The following MSH3 variants were observed in gnomAD, a reference collection of about 807,000 sequenced individuals.
The protein encoded by MSH3 is mutS homolog 3, also known as DNA mismatch repair protein Msh3.
MSH3 carries 106 observed loss-of-function variants against 123.3 expected under a neutral mutation model. The observed-to-expected ratio is 0.86, with a 90% CI of 0.73 to 1.01. The LOEUF (loss-of-function observed/expected upper bound fraction) is 1.01, where lower values mean the gene tolerates loss of function less well. Ranked by LOEUF, MSH3 falls within the 50% of genes least tolerant of loss-of-function variation. The pLI, the probability that MSH3 is intolerant of heterozygous loss-of-function variation, is 0.00. For missense variants in MSH3, 1,459 were observed against 1,347.6 expected (o/e 1.08, Z -1.29); for synonymous variants, 515 against 481.4 (o/e 1.07, Z -0.91).
intron 17 of MSH3, 73 bp from the exon 18 acceptor site, chr5:80,787,492 G>T: frequency 1.1e-6 from 1 of 933,890 alleles, no homozygotes; most frequent in South Asian, 1.3e-5. Flanking sequence ...TAAAGTGATT[G>T]CTTGTTGTAG....
At chr5:80,812,495 C>T (rs1745025464) in intron 19 of MSH3, among the ~76,000 whole-genome samples, 1 of 152,004 alleles carries the variant, frequency 6.6e-6, no homozygotes, top group African/African-American at 2.4e-5. Context: ...AATTGAACCT[C>T]ACTGGTTCTC....
chr5:80,738,387 G>A (rs1375752341), intron 10 of MSH3, among the ~76,000 whole-genome samples: 1 of 152,192 alleles, frequency 6.6e-6, no homozygotes, highest in Non-Finnish European at 1.5e-5. Flanking sequence ...ACAGTACCTT[G>A]TTTCAGTGGT....
At chr5:80,806,644 C>G (rs1333201071) in intron 19 of MSH3, among the ~76,000 whole-genome samples, 3 of 152,144 alleles carry the variant, frequency 2.0e-5, no homozygotes, top group Admixed American at 2.0e-4. Flanking sequence ...TAACTTTTTA[C>G]ATCTGTAGGG....
At chr5:80,869,825 CAT>C (rs372976811) in intron 22 of MSH3, among the ~76,000 whole-genome samples, 1 of 86,960 alleles carries the variant, frequency 1.1e-5, no homozygotes, top group Admixed American at 1.2e-4. Context: ...TATATATATA[CAT>C]ATATACATAT....
intron 16 of MSH3, among the ~76,000 whole-genome samples, chr5:80,776,596 C>T (rs752947273): frequency 2.0e-4 from 31 of 151,916 alleles, no homozygotes; most frequent in Non-Finnish European, 4.1e-4. Context: ...CACATTGGGA[C>T]TCTGCCTTTT....
At chr5:80,874,252 A>G (rs997889094) in intron 23 of MSH3, among the ~76,000 whole-genome samples, 1 of 152,186 alleles carries the variant, frequency 6.6e-6, no homozygotes, top group East Asian at 1.9e-4. Context: ...ACCAAAGTAC[A>G]GTAGTGCAGT....
intron 19 of MSH3, among the ~76,000 whole-genome samples, chr5:80,813,277 A>T (rs1282260260): frequency 6.6e-6 from 1 of 152,228 alleles, no homozygotes; most frequent in African/African-American, 2.4e-5. Context: ...ATAGTCTTTA[A>T]ACATAAGCAA....
chr5:80,837,224 C>G (rs1212068548), intron 20 of MSH3, among the ~76,000 whole-genome samples: 1 of 152,124 alleles, frequency 6.6e-6, no homozygotes, highest in Admixed American at 6.5e-5. Context: ...AGAGGAAAAA[C>G]TAGGCTATTG....
At chr5:80,655,186 G>A in intron 1 of MSH3, 1 of 408,546 alleles carries the variant, frequency 2.4e-6, no homozygotes, top group South Asian at 6.5e-5. Context: ...AGGTTATGCA[G>A]GTTTTTAATG....
intron 10 of MSH3, among the ~76,000 whole-genome samples, chr5:80,734,958 G>C (rs911062596): frequency 5.3e-5 from 8 of 152,102 alleles, no homozygotes; most frequent in African/African-American, 1.7e-4. Flanking sequence ...TTTTCTTATT[G>C]TTTATGATTG....
chr5:80,672,838 A>G lies in MSH3; in HGVS notation c.1007A>G (p.Lys336Arg), dbSNP rs1364868688. ...FSRKLTALYT[K>R]STLIGEDVNP... Reference sequence around the variant, plus strand: ...CGGAAATTGACTGCCCTTTATACAAAATCTACACTTATTGGAGAAGATATC... The same window carrying G: ...CGGAAATTGACTGCCCTTTATACAAGATCTACACTTATTGGAGAAGATATC... The change falls in exon 6 of 24, where the codon AAA becomes AGA. Residue 336 changes from lysine to arginine, a missense_variant. By Grantham distance (26) the Lys-to-Arg change is conservative (BLOSUM62 2). Coordinates refer to ENST00000265081, the MANE Select transcript of MSH3 (RefSeq NM_002439.5). The G allele has an allele frequency of 1.9e-6, 3 of 1,610,356 alleles. No homozygotes were observed. The highest frequency in any genetic ancestry group is 4.5e-5 in the East Asian group (2 of 44,740).
chr5:80,840,761 C>A (rs1262865645), intron 20 of MSH3, among the ~76,000 whole-genome samples: 1 of 150,694 alleles, frequency 6.6e-6, no homozygotes, highest in Non-Finnish European at 1.5e-5. Context: ...CTACCCCTAA[C>A]AGGCCCCGGT....
chr5:80,817,477 G>T (rs749558333), intron 20 of MSH3, among the ~76,000 whole-genome samples: 1 of 152,104 alleles, frequency 6.6e-6, no homozygotes, highest in Non-Finnish European at 1.5e-5. Context: ...TGAGGGACTT[G>T]TTTTTTGTTT....
intron 12 of MSH3, chr5:80,746,454 AT>A: frequency 2.0e-6 from 1 of 491,728 alleles, no homozygotes. Flanking sequence ...CCTTGATTGT[AT>A]TGGCAACAGT....
At chr5:80,851,700 G>A (rs1231195357) in intron 20 of MSH3, among the ~76,000 whole-genome samples, 6 of 152,074 alleles carry the variant, frequency 3.9e-5, no homozygotes, top group African/African-American at 1.2e-4. Context: ...ATATAGCTTG[G>A]TATGTTTATG....
At chr5:80,723,571 T>A (rs767671270) in intron 8 of MSH3, among the ~76,000 whole-genome samples, 6 of 152,148 alleles carry the variant, frequency 3.9e-5, no homozygotes, top group Non-Finnish European at 7.4e-5. Flanking sequence ...GCTGTTAAAA[T>A]GTAAAAAGCA....
intron 2 of MSH3, among the ~76,000 whole-genome samples, chr5:80,663,055 G>A (rs1440027708): frequency 6.6e-6 from 1 of 151,910 alleles, no homozygotes; most frequent in Non-Finnish European, 1.5e-5. Context: ...GGCAACATAG[G>A]GAGACCCTGT....
chr5:80,816,006 G>A (rs913468513), intron 20 of MSH3, among the ~76,000 whole-genome samples: 1 of 152,174 alleles, frequency 6.6e-6, no homozygotes, highest in African/African-American at 2.4e-5. Flanking sequence ...CTTTATGTAA[G>A]TACATTCAAT....
intron 10 of MSH3, among the ~76,000 whole-genome samples, chr5:80,735,278 A>G (rs173437): frequency 0.73 from 110,228 of 151,166 alleles, 40,293 homozygotes; most frequent in African/African-American, 0.81. Context: ...TAGCTACTTG[A>G]GAGGCTGAGG....
Sources: allele counts gnomAD v4.1 joint callset (sites outside exome capture counted in the v4.1 genomes callset), GRCh38; gene constraint gnomAD v4.1.1; transcripts MANE v1.5; gene names NCBI Gene and HGNC (gene_info 2026-07-23, HGNC 2026-07-21).